The following NDST3 variants were observed in gnomAD, a reference collection of about 807,000 sequenced individuals.
NDST3 encodes the protein bifunctional heparan sulfate N-deacetylase/N-sulfotransferase 3.
In NDST3, 58 loss-of-function variants were observed where a neutral mutation model predicts 96.1. The ratio of observed to expected loss-of-function variants is 0.60; its 90% CI spans 0.49 to 0.75. The LOEUF is 0.75. Among genes scored for constraint, NDST3 ranks in the 30% least tolerant of loss-of-function variants. The pLI, the probability that NDST3 is intolerant of heterozygous loss-of-function variation, is 0.00. For synonymous variants in NDST3, 333 were observed against 359.7 expected (o/e 0.93, Z 0.84); for missense variants, 788 against 1,034.2 (o/e 0.76, Z 3.27).
At chr4:118,111,672 G>A (rs1057157727) in intron 3 of NDST3, among the ~76,000 whole-genome samples, 1 of 151,998 alleles carries the variant, frequency 6.6e-6, no homozygotes, top group Non-Finnish European at 1.5e-5. Flanking sequence ...GAGTAGCTGG[G>A]ACTACAGGTG....
At chr4:118,160,552 T>C (rs1348336189) in intron 6 of NDST3, among the ~76,000 whole-genome samples, 4 of 152,006 alleles carry the variant, frequency 2.6e-5, no homozygotes, top group African/African-American at 9.7e-5. Flanking sequence ...ATGTGGCCAA[T>C]AAGCATATTA....
chr4:118,036,196 T>G (rs906664202), intron 1 of NDST3, among the ~76,000 whole-genome samples: 7 of 152,152 alleles, frequency 4.6e-5, no homozygotes, highest in African/African-American at 1.7e-4. Context: ...AATTACAATT[T>G]TTTTTCTTTT....
chr4:118,197,909 C>T (rs367556987), intron 6 of NDST3, among the ~76,000 whole-genome samples: 3 of 150,770 alleles, frequency 2.0e-5, no homozygotes, highest in African/African-American at 7.3e-5. Context: ...AAGCAATTCT[C>T]CTGCCTCAGC....
chr4:118,059,070 CATCTCT>C (rs1477836566), intron 2 of NDST3, among the ~76,000 whole-genome samples: 5 of 152,116 alleles, frequency 3.3e-5, no homozygotes, highest in African/African-American at 1.2e-4. Flanking sequence ...CTCCCTCCTG[CATCTCT>C]CCCTTCCTCT....
At chr4:118,096,831 G>C (rs1729358652) in intron 2 of NDST3, among the ~76,000 whole-genome samples, 1 of 151,890 alleles carries the variant, frequency 6.6e-6, no homozygotes, top group South Asian at 2.1e-4. Flanking sequence ...TCCTGTCCAG[G>C]TTTGAAAATC....
At chr4:118,148,420 C>A (rs538419283) in intron 6 of NDST3, among the ~76,000 whole-genome samples, 2 of 152,134 alleles carry the variant, frequency 1.3e-5, no homozygotes, top group African/African-American at 4.8e-5. Flanking sequence ...ATTAGCTAAC[C>A]CCTTTATGCA....
intron 2 of NDST3, among the ~76,000 whole-genome samples, chr4:118,103,307 G>A (rs1729909722): frequency 6.6e-6 from 1 of 152,018 alleles, no homozygotes; most frequent in African/African-American, 2.4e-5. Context: ...GAAATGAAGT[G>A]AGTAAAATGG....
At chr4:118,091,493 C>T (rs1455936604) in intron 2 of NDST3, among the ~76,000 whole-genome samples, 3 of 151,732 alleles carry the variant, frequency 2.0e-5, no homozygotes, top group Non-Finnish European at 2.9e-5. Flanking sequence ...TTCCCTGCAA[C>T]AGTTTGAGAA....
intron 6 of NDST3, among the ~76,000 whole-genome samples, chr4:118,194,935 C>T (rs1161459145): frequency 6.6e-6 from 1 of 152,106 alleles, no homozygotes; most frequent in Non-Finnish European, 1.5e-5. Flanking sequence ...ATGTGATTCT[C>T]TCCAGTTTTG....
intron 6 of NDST3, among the ~76,000 whole-genome samples, chr4:118,175,016 C>T (rs896650887): frequency 2.0e-5 from 3 of 152,146 alleles, no homozygotes; most frequent in East Asian, 1.9e-4. Context: ...ACTCTGACCA[C>T]GTACAGTCTA....
intron 12 of NDST3, among the ~76,000 whole-genome samples, chr4:118,248,369 A>C (rs896546334): frequency 1.3e-5 from 2 of 150,714 alleles, no homozygotes; most frequent in Admixed American, 6.6e-5. Context: ...GAAAAAAAAA[A>C]GTCACTGTTT....
chr4:118,223,297 C>G (rs996709565), intron 6 of NDST3, among the ~76,000 whole-genome samples: 1 of 151,934 alleles, frequency 6.6e-6, no homozygotes, highest in Non-Finnish European at 1.5e-5. Flanking sequence ...ATTGAAGTTG[C>G]TATTAAAAAA....
intron 2 of NDST3, among the ~76,000 whole-genome samples, chr4:118,090,657 A>T (rs1234754008): frequency 6.6e-6 from 1 of 152,082 alleles, no homozygotes; most frequent in African/African-American, 2.4e-5. Flanking sequence ...ATTTATTTTG[A>T]ACCTGTAATT....
intron 2 of NDST3, among the ~76,000 whole-genome samples, chr4:118,083,644 A>G (rs1017149846): frequency 3.3e-5 from 5 of 152,180 alleles, no homozygotes; most frequent in Admixed American, 3.3e-4. Flanking sequence ...GAGATACAAG[A>G]AAGTAATATT....
intron 6 of NDST3, among the ~76,000 whole-genome samples, chr4:118,216,327 A>T (rs1048184878): frequency 6.6e-6 from 1 of 152,140 alleles, no homozygotes; most frequent in African/African-American, 2.4e-5. Context: ...GAGCTGCTAG[A>T]AAGAAATTGT....
intron 1 of NDST3, among the ~76,000 whole-genome samples, chr4:118,034,984 A>G (rs1314331195): frequency 6.6e-6 from 1 of 152,242 alleles, no homozygotes; most frequent in Non-Finnish European, 1.5e-5. Context: ...AATGATCCTC[A>G]AAAGGCTTTC....
At chr4:118,222,589 G>C (rs1739623703) in intron 6 of NDST3, among the ~76,000 whole-genome samples, 1 of 151,878 alleles carries the variant, frequency 6.6e-6, no homozygotes, top group Non-Finnish European at 1.5e-5. Flanking sequence ...TATTAAAGTG[G>C]GAATATAAAA....
intron 2 of NDST3, among the ~76,000 whole-genome samples, chr4:118,087,945 A>T (rs1728561206): frequency 6.6e-6 from 1 of 152,106 alleles, no homozygotes; most frequent in Non-Finnish European, 1.5e-5. Context: ...ATCTCTCATA[A>T]CAAGGAAACT....
At chr4:118,228,843 T>C (rs1740082188) in intron 8 of NDST3, among the ~76,000 whole-genome samples, 3 of 152,228 alleles carry the variant, frequency 2.0e-5, no homozygotes, top group Admixed American at 2.0e-4. Context: ...ATGTATTCCG[T>C]GTAGTCTTTT....
Sources: gnomAD v4.1 joint callset for allele counts (sites outside exome capture counted in the v4.1 genomes callset) on GRCh38, gnomAD v4.1.1 for gene constraint, MANE v1.5 for transcripts, NCBI Gene and HGNC (gene_info 2026-07-23, HGNC 2026-07-21) for gene names.